The following PJVK variants were observed in gnomAD, a reference collection of about 807,000 sequenced individuals.
PJVK encodes pejvakin.
In PJVK, 33 loss-of-function variants were observed where a neutral mutation model predicts 37.6. That is an observed-to-expected ratio of 0.88 (90% CI 0.67 to 1.17). The LOEUF (loss-of-function observed/expected upper bound fraction) is 1.17. Among genes scored for constraint, PJVK ranks in the 50% most tolerant of loss-of-function variants. PJVK has a pLI of 0.00. For synonymous variants in PJVK, 141 were observed against 143.5 expected (o/e 0.98, Z 0.13); for missense variants, 410 against 413.8 (o/e 0.99, Z 0.08).
intron 3 of PJVK, 192 bp downstream of exon 3, chr2:178,454,719 T>G (rs935532966): frequency 1.3e-6 from 2 of 1,551,080 alleles, no homozygotes; most frequent in Admixed American, 3.8e-5. Context: ...TTGGCTGAAG[T>G]CAGAGACCTC....
Position 178,460,397 on chromosome 2 carries a change from G to A in PJVK, c.717G>A (p.Thr239=), listed in dbSNP as rs763715791. 6.2e-6 allele frequency: 10 copies of A among 1,613,912 alleles called. No individual in the cohort carries two copies. Among genetic ancestry groups the A allele is most frequent in the African/African-American group, 2.7e-5 (2 of 74,894 alleles). ...AAGGAGGATTTGAAAGGGAAGAAAC[G>A]GCAACATTTGCACTGCTGTACAGGT... is the stretch of plus-strand genomic sequence containing the variant. ...VSKGGFEREE[T]ATFALLYRLR... Residue 239 remains threonine (T), a synonymous_variant, in exon 6 of 7, where the codon ACG becomes ACA. Coordinates refer to ENST00000644580, the MANE Select transcript of PJVK (RefSeq NM_001042702.5).
chr2:178,456,194 C>T, intron 4 of PJVK, 43 bp downstream of exon 4: 1 of 1,602,074 alleles, frequency 6.2e-7, no homozygotes, highest in South Asian at 1.1e-5. Flanking sequence ...TAAAGTGTTG[C>T]CATGGGAATT....
At position 178,454,880 on chromosome 2, in the gene PJVK, G is replaced by T. The variant is rs907745443; in HGVS notation, c.407+353G>T. On this transcript the variant is annotated intron_variant, in intron 3 of 6. Transcript: ENST00000644580. ...AGCAGAAGACTGAGGAAGATGAGGA[G>T]GAGGAAGATGAGAAGGACAAAGGAA... 2.2e-4 allele frequency: 217 copies of T among 974,784 alleles called. 3 individuals carry two copies. The Admixed American group carries it at 3.7e-3, about 17-fold the overall frequency. 60.4% of individuals were successfully genotyped at this position (974,784 alleles called of 1,614,324 possible).
intron 3 of PJVK, 102 bp downstream of exon 3, chr2:178,454,629 C>T (rs1335655223): frequency 1.4e-6 from 2 of 1,444,578 alleles, no homozygotes; most frequent in East Asian, 2.5e-5. Flanking sequence ...TTGTATTTTA[C>T]TAGTGTAATT....
chr2:178,458,214 T>TA lies in PJVK; in HGVS notation c.550-282dup, dbSNP rs34944666. ...GGCACTGCTTTCTAAGATTTCCTGT[T>TA]AAAAAAAAAAAAAAGGCTTCTGCTC... On this transcript the variant is annotated intron_variant, in intron 4 of 6. Transcript: ENST00000644580. Among the ~76,000 whole-genome samples the TA allele has an allele frequency of 6.5e-3, 930 of 143,762 alleles. 3 individuals are homozygous for TA. The highest frequency in any genetic ancestry group is 0.021 in the African/African-American group (807 of 38,458). 94.3% of individuals were successfully genotyped at this position (143,762 alleles called of 152,430 possible). A position where few individuals can be genotyped will look rare whatever the true frequency, so the allele number is the denominator to read the frequency against.
Position 178,451,764 on chromosome 2 carries a change from C to G in PJVK, c.-28C>G, listed in dbSNP as rs74808009. ...TCTGGGCTTTCGTCGCGAGATGGAA[C>G]GCTGGGTCAGTGCATCCCAGCAAAA... On this transcript the variant is annotated 5_prime_UTR_variant, in exon 1 of 7. Transcript: ENST00000644580. 7.4e-3 allele frequency: 7,339 copies of G among 985,344 alleles called. 304 individuals are homozygous for G. In the African/African-American group the frequency reaches 0.1, roughly 13 times the overall value. The allele number at this position is 985,344 out of a possible 1,614,324, so 61.0% of individuals were successfully genotyped here.
At chr2:178,460,538 G>A (rs1280861289) in intron 6 of PJVK, 92 bp downstream of exon 6, 4 of 1,239,456 alleles carry the variant, frequency 3.2e-6, no homozygotes, top group South Asian at 2.6e-5. Flanking sequence ...CATCTGTTAA[G>A]GAAAAATTTA....
In PJVK at chr2:178,453,572, C is replaced by A. The variant is rs776538230; in HGVS notation, c.163C>A (p.Pro55Thr). The A allele has an allele frequency of 6.2e-7, 1 of 1,613,958 alleles. No homozygotes were observed. Among genetic ancestry groups the A allele is most frequent in the Admixed American group, 1.7e-5 (1 of 60,004 alleles). ...LFPRYKFTST[P>T]FTLKDILLGD... ...TCCTAGATATAAATTTACTTCAACA[C>A]CTTTTACACTGAAAGATATTCTCCT... The change falls in exon 2 of 7, where the codon CCT becomes ACT. Residue 55 changes from proline to threonine, a missense_variant. By Grantham distance (38) the Pro-to-Thr change is conservative. Transcript: ENST00000644580.
At chr2:178,456,384 A>G in intron 4 of PJVK, 1 of 560,142 alleles carries the variant, frequency 1.8e-6, no homozygotes, top group Non-Finnish European at 3.2e-6. Context: ...TTGTGAAATT[A>G]CGTGCATACT....
intron 3 of PJVK, among the ~76,000 whole-genome samples, 171 bp from the exon 4 acceptor site, chr2:178,455,835 TAGAG>T (rs746380648): frequency 3.0e-4 from 45 of 152,008 alleles, no homozygotes; most frequent in Admixed American, 7.2e-4. Flanking sequence ...TTTAAGAAAA[TAGAG>T]AGGAGAGACA....
At chr2:178,455,834 A>G (rs934523862) in intron 3 of PJVK, among the ~76,000 whole-genome samples, 176 bp from the exon 4 acceptor site, 1 of 152,216 alleles carries the variant, frequency 6.6e-6, no homozygotes, top group African/African-American at 2.4e-5. Flanking sequence ...TTTTAAGAAA[A>G]TAGAGAGGAG....
chr2:178,456,166 T>C lies in PJVK; in HGVS notation c.549+15T>C. 2 of 1,612,970 alleles carry C rather than the reference T, an allele frequency of 1.2e-6. No homozygotes were observed. The highest frequency in any genetic ancestry group is 1.7e-6 in the Non-Finnish European group (2 of 1,179,402). ...AAGCAATGCGGGTAAACCACACTTG[T>C]TGGGTTCTCTTACTAACTAAAGTGT... On this transcript the variant is annotated intron_variant, in intron 4 of 6. Transcript: ENST00000644580.
At chr2:178,454,298 A>T (rs1697909410) in intron 2 of PJVK, 34 bp from the exon 3 acceptor site, 5 of 1,553,834 alleles carry the variant, frequency 3.2e-6, no homozygotes, top group Non-Finnish European at 4.4e-6. Flanking sequence ...TAAGATAAAG[A>T]TGTTTAAAAA....
chr2:178,459,795 G>A (rs1684370193), intron 5 of PJVK: 1 of 153,598 alleles, frequency 6.5e-6, no homozygotes, highest in Admixed American at 6.5e-5. Context: ...CCACTTCTAG[G>A]AATTTATCCT....
In PJVK at chr2:178,453,456, G is replaced by A. The variant is rs775279693; in HGVS notation, c.47G>A (p.Gly16Glu). The A allele has an allele frequency of 6.8e-6, 11 of 1,614,180 alleles. No individual in the cohort carries two copies. Among genetic ancestry groups the A allele is most frequent in the Non-Finnish European group, 9.3e-6 (11 of 1,180,016 alleles). The stretch of plus-strand genomic sequence containing the variant: ...AGCTTTGTCAAGCAAGTTGGAGATG[G>A]AGGGAGATTAGTTCCTGTTCCAAGC... ...TKSFVKQVGD[G>E]GRLVPVPSLS... The change falls in exon 2 of 7, where the codon GGA becomes GAA. Residue 16 changes from glycine (G) to glutamate (E), a missense_variant. Physicochemically the swap from Gly to Glu is moderately conservative, Grantham distance 98. Transcript: ENST00000644580.
At position 178,454,535 on chromosome 2, in the gene PJVK, T is replaced by A. The variant is rs1188349504; in HGVS notation, c.407+8T>A. 6.2e-7 allele frequency: 1 copy of A among 1,609,610 alleles called. No individual in the cohort carries two copies. The highest frequency in any genetic ancestry group is 1.7e-5 in the Admixed American group (1 of 59,852). The stretch of plus-strand genomic sequence containing the variant: ...CAAAGAAATTACTACACGGTCAGTA[T>A]AATAATCCTAATATATTTCAGTGTT... On this transcript the variant is annotated splice_region_variant and intron_variant, in intron 3 of 6. Coordinates refer to ENST00000644580, the MANE Select transcript of PJVK (RefSeq NM_001042702.5).
chr2:178,458,143 G>A (rs1684249538), intron 4 of PJVK, among the ~76,000 whole-genome samples: 1 of 152,092 alleles, frequency 6.6e-6, no homozygotes, highest in African/African-American at 2.4e-5. Context: ...AAAAGCTCTG[G>A]AGGGCTTTGG....
chr2:178,458,706 CTT>C (rs1684286194), intron 5 of PJVK, 79 bp downstream of exon 5: 3 of 1,091,868 alleles, frequency 2.7e-6, no homozygotes, highest in African/African-American at 1.5e-5. Context: ...CTCTCTCTCT[CTT>C]TTCTCTCATT....
rs767940860 is a variant in PJVK, at chr2:178,461,150, G to C, written c.935G>C (p.Cys312Ser). Reference protein sequence around the residue: ...HNIPKGPCILCGMGNFKRETV... With the variant: ...HNIPKGPCILSGMGNFKRETV... ...ATTCCCAAAGGGCCTTGCATACTCT[G>C]TGGAATGGGGAACTTCAAAAGGGAG... is the stretch of plus-strand genomic sequence containing the variant. Residue 312 changes from cysteine to serine, a missense_variant, in exon 7 of 7, where the codon TGT (cysteine) becomes TCT (serine). Transcript: ENST00000644580. 3.1e-6 allele frequency: 5 copies of C among 1,614,164 alleles called. No homozygotes were observed. The Admixed American group carries it at 8.3e-5, about 27-fold the overall frequency.
Sources: allele counts gnomAD v4.1 joint callset (sites outside exome capture counted in the v4.1 genomes callset), GRCh38; gene constraint gnomAD v4.1.1; transcripts MANE v1.5; gene names NCBI Gene and HGNC (gene_info 2026-07-23, HGNC 2026-07-21).